The following MYH11 variants were observed in gnomAD, a reference collection of about 807,000 sequenced individuals.
MYH11 encodes the protein myosin heavy chain 11.
In MYH11, 80 loss-of-function variants were observed where a neutral mutation model predicts 246.6. The ratio of observed to expected loss-of-function variants is 0.32; its 90% confidence interval spans 0.27 to 0.39. MYH11 has a LOEUF of 0.39. Ranked by LOEUF, MYH11 falls within the 10% of genes least tolerant of loss-of-function variation. The pLI, the probability that MYH11 is intolerant of heterozygous loss-of-function variation, is 1.00. For missense variants in MYH11, 2,158 were observed against 2,546.8 expected, an observed-to-expected ratio of 0.85 and a Z score of 3.29; for synonymous variants, 1,071 against 1,015.5, an observed-to-expected ratio of 1.05 and a Z score of -1.04.
In MYH11 at chr16:15,756,455, C is replaced by A. The variant is rs773802963; in HGVS notation, c.1635G>T (p.Thr545=). The stretch of plus-strand genomic sequence containing the variant: ...ACAGCTTCTCCACGAAAGACTTGTC[C>A]GTGGCTTTGGGGAACCAGCATTCCT... The part of the protein sequence containing the change: ...LDEECWFPKA[T]DKSFVEKLCT... Residue 545 remains threonine, a synonymous_variant, in exon 14 of 41, where the codon ACG becomes ACT. Coordinates refer to ENST00000300036, the MANE Select transcript of MYH11 (RefSeq NM_002474.3). 2 of 1,614,182 alleles carry A rather than the reference C, an allele frequency of 1.2e-6. No homozygotes were observed. The highest frequency in any genetic ancestry group is 3.3e-5 in the Admixed American group (2 of 60,024).
At chr16:15,790,348 AAAC>A (rs978724344) in intron 4 of MYH11, among the ~76,000 whole-genome samples, 1 of 151,816 alleles carries the variant, frequency 6.6e-6, no homozygotes, top group Non-Finnish European at 1.5e-5. Flanking sequence ...ACAAAAAAAA[AAAC>A]AAAGACATCA....
intron 4 of MYH11, chr16:15,791,565 C>T (rs2042609287): frequency 6.6e-6 from 1 of 152,208 alleles, no homozygotes. Context: ...CAAATCCCTC[C>T]TCTGCCAGTT....
At chr16:15,831,464 GGTGTGTGTGT>G (rs59352444) in intron 2 of MYH11, among the ~76,000 whole-genome samples, 34 of 145,690 alleles carry the variant, frequency 2.3e-4, no homozygotes, top group Admixed American at 2.8e-4. Context: ...TTATGTTTGG[GGTGTGTGTGT>G]GTGTGTGTGT....
chr16:15,835,727 A>G (rs1045349321), intron 2 of MYH11, among the ~76,000 whole-genome samples: 1 of 146,416 alleles, frequency 6.8e-6, no homozygotes, highest in African/African-American at 2.5e-5. Flanking sequence ...AGAGTAACCC[A>G]CTCCATGAAG....
rs1596763358 is a variant in MYH11, at chr16:15,741,652, G to A, written c.2670C>T (p.Asn890=). ...QKHSQLTEEK[N]LLQEQLQAET... is the part of the protein sequence containing the mutation. ...CTGCCTGCAGCTGTTCCTGTAGCAGGTTCTTCTCCTCGGTCAGCTGCACGC... is the reference window on the plus strand; with the variant it reads ...CTGCCTGCAGCTGTTCCTGTAGCAGATTCTTCTCCTCGGTCAGCTGCACGC... The change falls in exon 22 of 41, where the codon AAC becomes AAT. Residue 890 remains asparagine (N), a synonymous_variant. Coordinates refer to ENST00000300036, the MANE Select transcript of MYH11 (RefSeq NM_002474.3). 1 of 1,613,694 alleles carries A rather than the reference G, an allele frequency of 6.2e-7. No homozygotes were observed. The highest frequency in any genetic ancestry group is 8.5e-7 in the Non-Finnish European group (1 of 1,180,044).
In MYH11 at chr16:15,721,039, C is replaced by T; in HGVS notation, c.4591G>A (p.Glu1531Lys). Residue 1531 changes from glutamate (E) to lysine (K), a missense_variant, in exon 33 of 41, where the codon GAG becomes AAG. Coordinates refer to ENST00000300036, the MANE Select transcript of MYH11 (RefSeq NM_002474.3). ...DDVGKNVHEL[E>K]KSKRALETQM... ...GTCTCCAGGGCCCGCTTGGACTTCTCCAGCTCATGGACCTGCCGGCAGAGC... is the reference window on the plus strand; with the variant it reads ...GTCTCCAGGGCCCGCTTGGACTTCTTCAGCTCATGGACCTGCCGGCAGAGC... 2.5e-6 allele frequency: 4 copies of T among 1,613,994 alleles called. No homozygotes were observed. Among genetic ancestry groups the T allele is most frequent in the Non-Finnish European group, 3.4e-6 (4 of 1,180,018 alleles).
chr16:15,710,958 G>A (rs1021033453), intron 40 of MYH11, among the ~76,000 whole-genome samples: 8 of 152,136 alleles, frequency 5.3e-5, no homozygotes, highest in African/African-American at 1.4e-4. Context: ...GATTACAGGC[G>A]TGAGCCACCG....
intron 33 of MYH11, 115 bp downstream of exon 33, chr16:15,720,724 C>G: frequency 1.8e-6 from 2 of 1,116,690 alleles, no homozygotes; most frequent in Non-Finnish European, 2.6e-6. Context: ...CAGAGCGAGA[C>G]TCTGTTTCAA....
chr16:15,745,582 C>CTT (rs71981525), intron 19 of MYH11, among the ~76,000 whole-genome samples: 1,300 of 94,320 alleles, frequency 0.014, 35 homozygotes, highest in African/African-American at 0.048. Context: ...TTCTTTCTTT[C>CTT]TTTTTTTTTT....
chr16:15,747,777 T>G, intron 18 of MYH11, 47 bp from the exon 19 acceptor site: 1 of 1,613,216 alleles, frequency 6.2e-7, no homozygotes, highest in South Asian at 1.1e-5. Context: ...ACTGTGCCAT[T>G]TGGCCAGTGA....
chr16:15,708,896 G>A lies in MYH11; in HGVS notation c.5787-4773C>T, dbSNP rs188611430. 32 of 1,512,600 alleles carry A rather than the reference G, an allele frequency of 2.1e-5. No homozygotes were observed. In the South Asian group the frequency reaches 3.2e-4, roughly 15 times the overall value. The allele number at this position is 1,512,600 out of a possible 1,614,324, so 93.7% of individuals were successfully genotyped here. A position where few individuals can be genotyped will look rare whatever the true frequency, so the allele number is the denominator to read the frequency against. ...ACCATCAGCAAACAAGAAGGAGCCC[G>A]GTTAAGTATATTCTTAATTGTTAAA... On this transcript the variant is annotated intron_variant, in intron 40 of 40. Coordinates refer to ENST00000300036, the MANE Select transcript of MYH11 (RefSeq NM_002474.3).
chr16:15,715,145 G>A lies in MYH11; in HGVS notation c.5613+19C>T, dbSNP rs773260950. ...GCTGGGGGCTGGGGGCTCGAGGGAG[G>A]CTGGGTGGCAGGGGCTACCTGCTCC... On this transcript the variant is annotated intron_variant, in intron 39 of 40. Transcript: ENST00000300036. 1 of 1,612,930 alleles carries A rather than the reference G, an allele frequency of 6.2e-7. No homozygotes were observed. Among genetic ancestry groups the A allele is most frequent in the African/African-American group, 1.3e-5 (1 of 75,054 alleles).
chr16:15,819,458 C>T (rs2043346862), intron 3 of MYH11, among the ~76,000 whole-genome samples: 1 of 152,178 alleles, frequency 6.6e-6, no homozygotes, highest in African/African-American at 2.4e-5. Context: ...CTGAGCTCTG[C>T]TTCCTCTCAG....
chr16:15,805,149 G>A (rs994366331), intron 3 of MYH11, among the ~76,000 whole-genome samples: 3 of 152,156 alleles, frequency 2.0e-5, no homozygotes, highest in South Asian at 2.1e-4. Flanking sequence ...GCCATGGACC[G>A]TGGTGCATGT....
intron 3 of MYH11, among the ~76,000 whole-genome samples, chr16:15,818,384 T>TC (rs1347331329): frequency 6.6e-6 from 1 of 152,202 alleles, no homozygotes; most frequent in African/African-American, 2.4e-5. Flanking sequence ...ACGGAATTCT[T>TC]CCCAAGCTTA....
chr16:15,729,385 G>A (rs1214176129), intron 27 of MYH11, among the ~76,000 whole-genome samples: 5 of 152,076 alleles, frequency 3.3e-5, no homozygotes, highest in African/African-American at 4.8e-5. Context: ...TGCTTTGTGC[G>A]GGTCAGTAAT....
intron 1 of MYH11, among the ~76,000 whole-genome samples, chr16:15,840,289 G>T (rs908465312): frequency 1.3e-5 from 2 of 152,136 alleles, no homozygotes; most frequent in African/African-American, 4.8e-5. Flanking sequence ...AGAGCTAGAA[G>T]AAGGACATTG....
chr16:15,807,540 C>G (rs2043041600), intron 3 of MYH11, among the ~76,000 whole-genome samples: 1 of 151,954 alleles, frequency 6.6e-6, no homozygotes, highest in Non-Finnish European at 1.5e-5. Flanking sequence ...GAGGTCGAGG[C>G]AGAGCATCCC....
At chr16:15,728,213 A>C (rs549172559) in intron 27 of MYH11, among the ~76,000 whole-genome samples, 2 of 152,190 alleles carry the variant, frequency 1.3e-5, no homozygotes, top group African/African-American at 4.8e-5. Flanking sequence ...TGGGTAACAG[A>C]GTGAGACTCC....
Sources: allele counts gnomAD v4.1 joint callset (sites outside exome capture counted in the v4.1 genomes callset), GRCh38; gene constraint gnomAD v4.1.1; transcripts MANE v1.5; gene names NCBI Gene and HGNC (gene_info 2026-07-23, HGNC 2026-07-21).